Variants in CECR2 observed in about 807,000 individuals in gnomAD.
CECR2 encodes CECR2 histone acetyl-lysine reader.
A neutral mutation model predicts 154.5 loss-of-function variants in CECR2; 30 were observed. That is an observed-to-expected ratio of 0.19 (90% CI 0.15 to 0.26). The LOEUF (loss-of-function observed/expected upper bound fraction) is 0.26, where lower values mean the gene tolerates loss of function less well. Among genes scored for constraint, CECR2 ranks in the 10% least tolerant of loss-of-function variants. CECR2 has a pLI of 1.00. For missense variants in CECR2, 1,743 were observed against 1,829.3 expected (o/e 0.95, Z 0.86); for synonymous variants, 725 against 683.7 (o/e 1.06, Z -0.94).
At chr22:17,454,833 C>T (rs1228716996) in intron 1 of CECR2, among the ~76,000 whole-genome samples, 1 of 152,138 alleles carries the variant, frequency 6.6e-6, no homozygotes, top group African/African-American at 2.4e-5. Flanking sequence ...TTTCCTGGTG[C>T]CATAAAGAAA....
intron 1 of CECR2, among the ~76,000 whole-genome samples, chr22:17,439,478 C>CA (rs2054553082): frequency 2.0e-5 from 3 of 151,870 alleles, no homozygotes; most frequent in Admixed American, 2.0e-4. Context: ...ACAAACAGCC[C>CA]AGTGGAACAA....
In CECR2 at chr22:17,495,069, A is replaced by G. The variant is rs1010527032; in HGVS notation, c.222-2334A>G. Among the ~76,000 whole-genome samples, 6 of 152,234 alleles carry G rather than the reference A, an allele frequency of 3.9e-5. No homozygotes were observed. In the East Asian group the frequency reaches 1.2e-3, roughly 29 times the overall value. Reference sequence around the variant, plus strand: ...TTTCCTTTCACTTTGCTGCAAATATAACTACCATAGATTATAAGTCAACAT... The same window carrying G: ...TTTCCTTTCACTTTGCTGCAAATATGACTACCATAGATTATAAGTCAACAT... On this transcript the variant is annotated intron_variant, in intron 2 of 18. Coordinates refer to ENST00000262608, the MANE Select transcript of CECR2 (RefSeq NM_001290047.2).
chr22:17,521,776 T>C (rs1350377263), intron 8 of CECR2, among the ~76,000 whole-genome samples: 1 of 152,244 alleles, frequency 6.6e-6, no homozygotes, highest in Non-Finnish European at 1.5e-5. Flanking sequence ...TTTGTCTGTT[T>C]TGGCTTTTGT....
At chr22:17,524,089 G>A (rs950805823) in intron 8 of CECR2, 29 bp from the exon 9 acceptor site, 17 of 1,533,028 alleles carry the variant, frequency 1.1e-5, no homozygotes, top group Non-Finnish European at 1.4e-5. Flanking sequence ...ATTGTGTACT[G>A]ACCGGATGTG....
intron 8 of CECR2, among the ~76,000 whole-genome samples, chr22:17,519,235 A>C (rs1361366872): frequency 1.3e-5 from 2 of 151,254 alleles, no homozygotes; most frequent in African/African-American, 4.9e-5. Context: ...CAGTCCGTGC[A>C]GCCACTGCTC....
chr22:17,362,297 G>A (rs2062980999), intron 1 of CECR2, among the ~76,000 whole-genome samples: 2 of 152,090 alleles, frequency 1.3e-5, no homozygotes, highest in South Asian at 4.1e-4. Flanking sequence ...ACCTGCCTCG[G>A]CCTCCGAAAG....
At position 17,542,311 on chromosome 22, in the gene CECR2, T is replaced by C. The variant is rs769235781; in HGVS notation, c.2168T>C (p.Met723Thr). The C allele has an allele frequency of 6.2e-7, 1 of 1,612,812 alleles. No individual in the cohort carries two copies. Among genetic ancestry groups the C allele is most frequent in the South Asian group, 1.1e-5 (1 of 90,816 alleles). ...AGTGGCCCAAGTCAGGATGGAAGCA[T>C]GTATGCTCCAGCTCAGTTCCAGCCA... The part of the protein sequence containing the change: ...QISGPSQDGS[M>T]YAPAQFQPGF... Residue 723 changes from methionine (M) to threonine (T), a missense_variant, in exon 16 of 19, where the codon ATG (methionine) becomes ACG (threonine). This residue lies in a region of CECR2 where 1,250 missense variants were observed against 1,192.1 expected (regional missense o/e 1.05). Coordinates refer to ENST00000262608, the MANE Select transcript of CECR2 (RefSeq NM_001290047.2).
intron 8 of CECR2, among the ~76,000 whole-genome samples, chr22:17,521,368 G>A (rs567864519): frequency 1.3e-3 from 193 of 152,204 alleles, no homozygotes; most frequent in African/African-American, 4.5e-3. Flanking sequence ...GTGATACCCC[G>A]TCTCTACTAA....
intron 1 of CECR2, among the ~76,000 whole-genome samples, chr22:17,458,674 CAG>C (rs1353566494): frequency 6.6e-6 from 1 of 151,972 alleles, no homozygotes; most frequent in Admixed American, 6.6e-5. Context: ...TAAAATCTAA[CAG>C]AAAACACTTA....
intron 9 of CECR2, among the ~76,000 whole-genome samples, chr22:17,528,515 T>C (rs2056302062): frequency 1.3e-5 from 2 of 152,034 alleles, no homozygotes; most frequent in South Asian, 4.2e-4. Context: ...CAGAGAAGTA[T>C]GGCTTTTTTT....
Position 17,546,259 on chromosome 22 carries a change from G to T in CECR2, c.2861-1889G>T, listed in dbSNP as rs553168798. 2.6e-5 allele frequency among the ~76,000 whole-genome samples: 4 copies of T among 152,076 alleles called. No homozygotes were observed. The East Asian group carries it at 5.8e-4, about 22-fold the overall frequency. ...TCCCAGCACTTTGGGAGGCCGAGGC[G>T]GGTGGATCACGAGGTCAGGAAATCG... On this transcript the variant is annotated intron_variant, in intron 16 of 18. Transcript: ENST00000262608.
At chr22:17,427,573 C>G (rs1476692950) in intron 1 of CECR2, among the ~76,000 whole-genome samples, 1 of 151,930 alleles carries the variant, frequency 6.6e-6, no homozygotes, top group Non-Finnish European at 1.5e-5. Context: ...AGCCGCAGAC[C>G]CTTGCAGTGA....
intron 8 of CECR2, among the ~76,000 whole-genome samples, chr22:17,513,266 G>A (rs2055991944): frequency 6.6e-6 from 1 of 152,138 alleles, no homozygotes; most frequent in Admixed American, 6.5e-5. Context: ...TTATCCTTTG[G>A]GCACTCTTTC....
intron 1 of CECR2, among the ~76,000 whole-genome samples, chr22:17,440,425 T>C (rs1162019076): frequency 6.6e-6 from 1 of 152,160 alleles, no homozygotes; most frequent in East Asian, 1.9e-4. Context: ...TGGAACTCTT[T>C]CTCTGTCTGT....
At chr22:17,527,404 G>C (rs1308095361) in intron 9 of CECR2, among the ~76,000 whole-genome samples, 25 of 152,140 alleles carry the variant, frequency 1.6e-4, no homozygotes, top group Admixed American at 1.6e-3. Flanking sequence ...GCTCCAGTGA[G>C]CTGAGATCAT....
chr22:17,480,621 TG>T (rs2055293469), intron 2 of CECR2, among the ~76,000 whole-genome samples: 1 of 152,200 alleles, frequency 6.6e-6, no homozygotes, highest in African/African-American at 2.4e-5. Context: ...GCGGTTACTG[TG>T]AATGTACACT....
At chr22:17,547,974 G>A (rs190493227) in intron 16 of CECR2, among the ~76,000 whole-genome samples, 174 bp from the exon 17 acceptor site, 121 of 152,276 alleles carry the variant, frequency 7.9e-4, no homozygotes, top group Non-Finnish European at 1.4e-3. Flanking sequence ...AGGGGTGAAA[G>A]GAAGTGTACA....
chr22:17,381,489 A>G (rs2063188560), intron 1 of CECR2, among the ~76,000 whole-genome samples: 1 of 151,936 alleles, frequency 6.6e-6, no homozygotes, highest in South Asian at 2.1e-4. Flanking sequence ...CAGCAATGGA[A>G]CCCATCTTCC....
At chr22:17,427,636 T>C (rs926232865) in intron 1 of CECR2, among the ~76,000 whole-genome samples, 9 of 152,152 alleles carry the variant, frequency 5.9e-5, no homozygotes, top group Middle Eastern at 3.4e-3. Context: ...AGCAGCAAGA[T>C]TTATTATGAA....
Sources: gnomAD v4.1 joint callset for allele counts (sites outside exome capture counted in the v4.1 genomes callset) on GRCh38, gnomAD v4.1.1 for gene constraint, gnomAD v4.1.1 regional missense constraint, MANE v1.5 for transcripts, NCBI Gene and HGNC (gene_info 2026-07-23, HGNC 2026-07-21) for gene names.